Variants in GCGR observed in about 807,000 individuals in gnomAD.
GCGR encodes the protein glucagon receptor.
Under a neutral mutation model 56.1 loss-of-function variants are expected in GCGR, and 41 were observed. The ratio of observed to expected loss-of-function variants is 0.73; its 90% CI spans 0.57 to 0.95. The LOEUF (loss-of-function observed/expected upper bound fraction) is 0.95. GCGR is among the 40% of genes least tolerant of loss of function. The pLI is 0.00. For synonymous variants in GCGR, 278 were observed against 271.1 expected, an observed-to-expected ratio of 1.03 and a Z score of -0.25; for missense variants, 595 against 638.2, an observed-to-expected ratio of 0.93 and a Z score of 0.73.
In GCGR at chr17:81,813,840, T is replaced by C. The variant is rs551909365; in HGVS notation, c.*151T>C. 68 of 692,114 alleles carry C rather than the reference T, an allele frequency of 9.8e-5. No individual in the cohort carries two copies. In the African/African-American group the frequency reaches 1.1e-3, roughly 11 times the overall value. The allele number at this position is 692,114 out of a possible 1,614,324, so 42.9% of individuals were successfully genotyped here. The stretch of plus-strand genomic sequence containing the variant: ...ACCCCCAGTGTGGCTGTCTGCGAGA[T>C]TGGGCCTCCTCTCCCTGCACCTGCC... On this transcript the variant is annotated 3_prime_UTR_variant, in exon 14 of 14. Transcript: ENST00000400723. This position sits in a 1 kb window ranked among gnomAD's most constrained non-coding sequence, Gnocchi z 5.3.
Position 81,813,104 on chromosome 17 carries a change from G to A in GCGR, c.1218+47G>A. 1 of 1,534,596 alleles carries A rather than the reference G, an allele frequency of 6.5e-7. No homozygotes were observed. The highest frequency in any genetic ancestry group is 1.2e-5 in the South Asian group (1 of 83,980). ...TGAGACCATCAGCACTGGCCGTCGG[G>A]GTCAGGGGCAGAGAGAGGCACAGGG... On this transcript the variant is annotated intron_variant, in intron 13 of 13. Coordinates refer to ENST00000400723, the MANE Select transcript of GCGR (RefSeq NM_000160.5). This position sits in a 1 kb window ranked among gnomAD's most constrained non-coding sequence, Gnocchi z 5.3.
Position 81,812,613 on chromosome 17 carries a change from C to T in GCGR, c.985C>T (p.Leu329Phe). The stretch of plus-strand genomic sequence containing the variant: ...CATCTTCGTCCGCATCGTTCAGCTG[C>T]TCGTGGCCAAGCTGCGGGCACGGCA... ...FFIFVRIVQL[L>F]VAKLRARQMH... Residue 329 changes from leucine (L) to phenylalanine (F), a missense_variant, in exon 11 of 14, where the codon CTC becomes TTC. Coordinates refer to ENST00000400723, the MANE Select transcript of GCGR (RefSeq NM_000160.5). The surrounding 1 kb of genome is among the most constrained non-coding windows in gnomAD (Gnocchi z 8.5). The T allele has an allele frequency of 6.5e-7, 1 of 1,536,554 alleles. No individual in the cohort carries two copies. The highest frequency in any genetic ancestry group is 1.2e-5 in the South Asian group (1 of 84,046).
rs950038539 is a variant in GCGR, at chr17:81,812,515, C to T, written c.949-62C>T. On this transcript the variant is annotated intron_variant, in intron 10 of 13. Transcript: ENST00000400723. The surrounding 1 kb of genome is among the most constrained non-coding windows in gnomAD (Gnocchi z 8.5). ...TGCAGGAGGGTCAGGTGGGGCCTTC[C>T]AAGGGCACAGAGCTGTTCCCTGGGG... is the stretch of plus-strand genomic sequence containing the variant. 4.2e-5 allele frequency: 62 copies of T among 1,474,946 alleles called. No homozygotes were observed. The African/African-American group carries it at 7.1e-4, about 17-fold the overall frequency. 91.4% of individuals were successfully genotyped at this position (1,474,946 alleles called of 1,614,324 possible).
At chr17:81,809,654 CCTGTCTGT>C (rs370243345) in intron 2 of GCGR, 120 bp from the exon 3 acceptor site, 24 of 697,948 alleles carry the variant, frequency 3.4e-5, no homozygotes, top group African/African-American at 2.2e-4. Flanking sequence ...TGCCTGTCTG[CCTGTCTGT>C]CTGCCTGTCT....
rs1370739796 is a variant in GCGR, at chr17:81,813,986, A to G, written c.*297A>G. Reference sequence around the variant, plus strand: ...CCCATGTGCATGGAAATGTCCTCCAACAATAAAGAGCTCAAGTGGTCACCG... The same window carrying G: ...CCCATGTGCATGGAAATGTCCTCCAGCAATAAAGAGCTCAAGTGGTCACCG... On this transcript the variant is annotated 3_prime_UTR_variant, in exon 14 of 14. Coordinates refer to ENST00000400723, the MANE Select transcript of GCGR (RefSeq NM_000160.5). This position sits in a 1 kb window ranked among gnomAD's most constrained non-coding sequence, Gnocchi z 5.3. The G allele has an allele frequency of 1.1e-5, 5 of 446,026 alleles. No individual in the cohort carries two copies. Among genetic ancestry groups the G allele is most frequent in the Admixed American group, 7.2e-5 (2 of 27,826 alleles). The allele number at this position is 446,026 out of a possible 1,614,324, so 27.6% of individuals were successfully genotyped here.
chr17:81,809,975 G>C, intron 3 of GCGR, 91 bp downstream of exon 3: 4 of 988,076 alleles, frequency 4.0e-6, no homozygotes, highest in Non-Finnish European at 6.2e-6. Flanking sequence ...TGCTTATGCA[G>C]CCTTTGAGGA....
Position 81,811,230 on chromosome 17 carries a change from G to A in GCGR, c.402G>A (p.Val134=), listed in dbSNP as rs1954637448. Residue 134 remains valine (V), a synonymous_variant, in exon 6 of 14, where the codon GTG becomes GTA. Transcript: ENST00000400723. The surrounding 1 kb of genome is among the most constrained non-coding windows in gnomAD (Gnocchi z 5.8). ...DGEEIEVQKE[V]AKMYSSFQVM... ...GCCACTGTAACTCGCAGAAGGAGGT[G>A]GCCAAGATGTACAGCAGCTTCCAGG... 3 of 1,536,342 alleles carry A rather than the reference G, an allele frequency of 2.0e-6. No individual in the cohort carries two copies. The highest frequency in any genetic ancestry group is 2.6e-6 in the Non-Finnish European group (3 of 1,146,818).
rs1464925322 is a variant in GCGR, at chr17:81,811,893, C to T, written c.825C>T (p.Pro275=). ...AGCTGCTGCCCCCCACAGGTGCCCC[C>T]ATGCTGTTCGTCGTCCCCTGGGCAG... The part of the protein sequence containing the change: ...SLYLGIGWGA[P]MLFVVPWAVV... Residue 275 remains proline, a synonymous_variant, in exon 9 of 14, where the codon CCC becomes CCT. Transcript: ENST00000400723. The surrounding 1 kb of genome is among the most constrained non-coding windows in gnomAD (Gnocchi z 5.8). The T allele has an allele frequency of 6.5e-7, 1 of 1,537,160 alleles. No homozygotes were observed. Among genetic ancestry groups the T allele is most frequent in the Non-Finnish European group, 8.7e-7 (1 of 1,146,896 alleles).
At position 81,810,959 on chromosome 17, in the gene GCGR, G is replaced by C; in HGVS notation, c.271+27G>C. The C allele has an allele frequency of 4.6e-6, 7 of 1,536,124 alleles. No individual in the cohort carries two copies. The highest frequency in any genetic ancestry group is 2.7e-5 in the African/African-American group (2 of 73,162). On this transcript the variant is annotated intron_variant, in intron 4 of 13. Transcript: ENST00000400723. This position sits in a 1 kb window ranked among gnomAD's most constrained non-coding sequence, Gnocchi z 4.6. Reference sequence around the variant, plus strand: ...TACCCATAGAGGGGAGGAACTGTGGGGGGGGCGGGCCCAGGGTGGGGCTGA... The same window carrying C: ...TACCCATAGAGGGGAGGAACTGTGGCGGGGGCGGGCCCAGGGTGGGGCTGA...
rs1444650551 is a variant in GCGR, at chr17:81,810,167, A to C, written c.163+283A>C. The C allele has an allele frequency of 3.9e-6, 2 of 516,756 alleles. No homozygotes were observed. Among genetic ancestry groups the C allele is most frequent in the East Asian group, 3.6e-5 (1 of 27,814 alleles). 32.0% of individuals were successfully genotyped at this position (516,756 alleles called of 1,614,324 possible). A position where few individuals can be genotyped will look rare whatever the true frequency, so the allele number is the denominator to read the frequency against. On this transcript the variant is annotated intron_variant, in intron 3 of 13. Coordinates refer to ENST00000400723, the MANE Select transcript of GCGR (RefSeq NM_000160.5). The surrounding 1 kb of genome is among the most constrained non-coding windows in gnomAD (Gnocchi z 4.6). ...CCCCCAGGCCCAGATGGGTAATACC[A>C]CCTACAGCCCCGTGGAGTTTTCAGT...
chr17:81,811,388 C>T lies in GCGR; in HGVS notation c.501-16C>T, dbSNP rs1368976763. Reference sequence around the variant, plus strand: ...GGACAGGGAGGAGGACGGGCGCTGACTGGCTGTGCCCACAGCAAGCTGCAC... The same window carrying T: ...GGACAGGGAGGAGGACGGGCGCTGATTGGCTGTGCCCACAGCAAGCTGCAC... On this transcript the variant is annotated splice_polypyrimidine_tract_variant and intron_variant, in intron 6 of 13. Transcript: ENST00000400723. This position sits in a 1 kb window ranked among gnomAD's most constrained non-coding sequence, Gnocchi z 5.8. 1 of 1,536,076 alleles carries T rather than the reference C, an allele frequency of 6.5e-7. No individual in the cohort carries two copies. The highest frequency in any genetic ancestry group is 1.2e-5 in the South Asian group (1 of 84,064).
In GCGR at chr17:81,804,838, C is replaced by A. The variant is rs1258877256; in HGVS notation, c.-178+589C>A. Among the ~76,000 whole-genome samples, 1 of 152,192 alleles carries A rather than the reference C, an allele frequency of 6.6e-6. No individual in the cohort carries two copies. Among genetic ancestry groups the A allele is most frequent in the African/African-American group, 2.4e-5 (1 of 41,454 alleles). On this transcript the variant is annotated intron_variant, in intron 1 of 13. Coordinates refer to ENST00000400723, the MANE Select transcript of GCGR (RefSeq NM_000160.5). This position sits in a 1 kb window ranked among gnomAD's most constrained non-coding sequence, Gnocchi z 8.2. ...CTGCCCGGCTCCGGCCCCCCCGGCGCCCCACCACCCGGCCGACTCGGCCAC... is the reference window on the plus strand; with the variant it reads ...CTGCCCGGCTCCGGCCCCCCCGGCGACCCACCACCCGGCCGACTCGGCCAC...
intron 2 of GCGR, among the ~76,000 whole-genome samples, chr17:81,809,454 CCTGTCTGTCTGCCTGCCTGT>C (rs1051417386): frequency 3.3e-5 from 4 of 120,820 alleles, no homozygotes; most frequent in Admixed American, 1.7e-4. Flanking sequence ...TGCCTGCCTG[CCTGTCTGTCTGCCTGCCTGT>C]CTGCCTGCCT....
At position 81,813,422 on chromosome 17, in the gene GCGR, G is replaced by A; in HGVS notation, c.1219-52G>A. Reference sequence around the variant, plus strand: ...GAGGCCCACAGCAGGTCCCGGTGGGGTGGAGAGGACAGGCAGGCCCTAGGA... The same window carrying A: ...GAGGCCCACAGCAGGTCCCGGTGGGATGGAGAGGACAGGCAGGCCCTAGGA... On this transcript the variant is annotated intron_variant, in intron 13 of 13. Transcript: ENST00000400723. This position sits in a 1 kb window ranked among gnomAD's most constrained non-coding sequence, Gnocchi z 5.3. 6.7e-7 allele frequency: 1 copy of A among 1,493,480 alleles called. No homozygotes were observed. The allele number at this position is 1,493,480 out of a possible 1,614,324, so 92.5% of individuals were successfully genotyped here. A position where few individuals can be genotyped will look rare whatever the true frequency, so the allele number is the denominator to read the frequency against.
Position 81,811,267 on chromosome 17 carries a change from G to A in GCGR, c.439G>A (p.Val147Met). 1 of 1,536,246 alleles carries A rather than the reference G, an allele frequency of 6.5e-7. No individual in the cohort carries two copies. Among genetic ancestry groups the A allele is most frequent in the African/African-American group, 1.4e-5 (1 of 73,174 alleles). The change falls in exon 6 of 14, where the codon GTG becomes ATG. Residue 147 changes from valine to methionine, a missense_variant. Val to Met is a conservative substitution (Grantham distance 21, BLOSUM62 1). Coordinates refer to ENST00000400723, the MANE Select transcript of GCGR (RefSeq NM_000160.5). This position sits in a 1 kb window ranked among gnomAD's most constrained non-coding sequence, Gnocchi z 5.8. ...MYSSFQVMYT[V>M]GYSLSLGALL... ...CAGCAGCTTCCAGGTGATGTACACA[G>A]TGGGCTACAGCCTGTCCCTGGGGGC...
chr17:81,812,871 G>A lies in GCGR; in HGVS notation c.1102G>A (p.Val368Met), dbSNP rs771824180. 139 of 1,535,962 alleles carry A rather than the reference G, an allele frequency of 9.0e-5. 1 individual carries two copies. The highest frequency in any genetic ancestry group is 1.5e-4 in the South Asian group (13 of 84,070). Residue 368 changes from valine to methionine, a missense_variant, in exon 12 of 14, where the codon GTG becomes ATG. By Grantham distance (21) the Val-to-Met change is conservative (BLOSUM62 1). Coordinates refer to ENST00000400723, the MANE Select transcript of GCGR (RefSeq NM_000160.5). The surrounding 1 kb of genome is among the most constrained non-coding windows in gnomAD (Gnocchi z 8.5). ...CGTCCACGAAGTGGTCTTCGCCTTC[G>A]TGACGGACGAGCACGCCCAGGGCAC... ...LGVHEVVFAF[V>M]TDEHAQGTLR... is the part of the protein sequence containing the mutation.
In GCGR at chr17:81,812,356, G is replaced by A. The variant is rs1250294853; in HGVS notation, c.948+104G>A. 3 of 1,334,584 alleles carry A rather than the reference G, an allele frequency of 2.2e-6. No individual in the cohort carries two copies. The highest frequency in any genetic ancestry group is 2.1e-6 in the Non-Finnish European group (2 of 969,096). 82.7% of individuals were successfully genotyped at this position (1,334,584 alleles called of 1,614,324 possible). A position where few individuals can be genotyped will look rare whatever the true frequency, so the allele number is the denominator to read the frequency against. On this transcript the variant is annotated intron_variant, in intron 10 of 13. Transcript: ENST00000400723. The surrounding 1 kb of genome is among the most constrained non-coding windows in gnomAD (Gnocchi z 8.5). ...CATCCTGTCTGAGAGCGCTGGGAGG[G>A]AGCCGGCACCCAGACAGGACACCAG... is the stretch of plus-strand genomic sequence containing the variant.
In GCGR at chr17:81,809,869, C is replaced by T; in HGVS notation, c.148C>T (p.Leu50=). 6.5e-7 allele frequency: 1 copy of T among 1,536,344 alleles called. No individual in the cohort carries two copies. Among genetic ancestry groups the T allele is most frequent in the Non-Finnish European group, 8.7e-7 (1 of 1,146,658 alleles). The change falls in exon 3 of 14, where the codon CTG becomes TTG. Residue 50 remains leucine, a synonymous_variant. Transcript: ENST00000400723. ...CCAGTGTCACCACAACCTGAGCCTG[C>T]TGCCCCCTCCCACGGGTGAGCCCCC... ...GDQCHHNLSL[L]PPPTELVCNR...
rs1486086217 is a variant in GCGR, at chr17:81,813,073, G to T, written c.1218+16G>T. 6.5e-7 allele frequency: 1 copy of T among 1,535,708 alleles called. No individual in the cohort carries two copies. The highest frequency in any genetic ancestry group is 2.0e-5 in the Admixed American group (1 of 51,002). On this transcript the variant is annotated intron_variant, in intron 13 of 13. Transcript: ENST00000400723. This position sits in a 1 kb window ranked among gnomAD's most constrained non-coding sequence, Gnocchi z 5.3. ...CAACAAGGAGGTAGGTGGGAGTGGG[G>T]GCATCTGAGACCATCAGCACTGGCC...
Sources: gnomAD v4.1 joint callset for allele counts (sites outside exome capture counted in the v4.1 genomes callset) on GRCh38, gnomAD v4.1.1 for gene constraint, Gnocchi (gnomAD v3.1) non-coding constraint, MANE v1.5 for transcripts, NCBI Gene and HGNC (gene_info 2026-07-23, HGNC 2026-07-21) for gene names.